Variants in SCGN observed in about 807,000 individuals in gnomAD.
SCGN encodes the protein secretagogin.
A neutral mutation model predicts 39.7 loss-of-function variants in SCGN; 30 were observed. The ratio of observed to expected loss-of-function variants is 0.76; its 90% CI spans 0.57 to 1.03. The LOEUF is 1.03. SCGN is among the 50% of genes least tolerant of loss of function. The probability of loss-of-function intolerance (pLI) is 0.00; values close to 1 mark genes in which losing one functional copy is unlikely to be tolerated. For missense variants in SCGN, 353 were observed against 349.4 expected (o/e 1.01, Z -0.08); for synonymous variants, 106 against 114.1 (o/e 0.93, Z 0.45).
chr6:25,660,321 A>C (rs2151377395), intron 2 of SCGN, among the ~76,000 whole-genome samples: 1 of 152,304 alleles, frequency 6.6e-6, no homozygotes, highest in South Asian at 2.1e-4. Flanking sequence ...GAGAGGTCTC[A>C]GTGGAAAGGA....
intron 3 of SCGN, among the ~76,000 whole-genome samples, chr6:25,663,060 AGTG>A (rs1760365022): frequency 6.6e-6 from 1 of 152,202 alleles, no homozygotes; most frequent in Non-Finnish European, 1.5e-5. Context: ...CCTGCACGTG[AGTG>A]TCATTGAGGT....
At chr6:25,657,000 A>G (rs949718216) in intron 2 of SCGN, among the ~76,000 whole-genome samples, 3 of 152,218 alleles carry the variant, frequency 2.0e-5, no homozygotes, top group Non-Finnish European at 4.4e-5. Context: ...AATCTAAAAG[A>G]TCAAGCTGAA....
At chr6:25,675,153 C>T (rs541143517) in intron 6 of SCGN, among the ~76,000 whole-genome samples, 1 of 152,308 alleles carries the variant, frequency 6.6e-6, no homozygotes, top group Non-Finnish European at 1.5e-5. Flanking sequence ...TCTCTGGAGA[C>T]TTTCCCAGCA....
chr6:25,662,568 C>T (rs1760355097), intron 3 of SCGN, among the ~76,000 whole-genome samples: 1 of 152,106 alleles, frequency 6.6e-6, no homozygotes, highest in Non-Finnish European at 1.5e-5. Context: ...CATATTTGAG[C>T]AGTCAATATT....
chr6:25,697,505 G>A (rs896561030), intron 10 of SCGN, among the ~76,000 whole-genome samples: 2 of 152,220 alleles, frequency 1.3e-5, no homozygotes, highest in African/African-American at 4.8e-5. Flanking sequence ...CTAGGATAGA[G>A]ATTTGTGAAG....
At chr6:25,685,268 C>A (rs1191765302) in intron 7 of SCGN, among the ~76,000 whole-genome samples, 1 of 152,186 alleles carries the variant, frequency 6.6e-6, no homozygotes, top group Non-Finnish European at 1.5e-5. Flanking sequence ...TGTGTCGCAG[C>A]AGCACTAGGA....
At chr6:25,661,318 C>T (rs1760331728) in intron 2 of SCGN, among the ~76,000 whole-genome samples, 1 of 152,176 alleles carries the variant, frequency 6.6e-6, no homozygotes, top group South Asian at 2.1e-4. Context: ...TTTAGTAACT[C>T]ATTAACTGTA....
chr6:25,659,113 T>C (rs924963771), intron 2 of SCGN, among the ~76,000 whole-genome samples: 1 of 152,224 alleles, frequency 6.6e-6, no homozygotes, highest in Non-Finnish European at 1.5e-5. Flanking sequence ...AGGTCTAGCA[T>C]AATGCCCAGG....
chr6:25,666,791 C>T (rs1431531839), intron 4 of SCGN, among the ~76,000 whole-genome samples: 1 of 152,034 alleles, frequency 6.6e-6, no homozygotes, highest in African/African-American at 2.4e-5. Context: ...TAAGAATACA[C>T]AAAAAATATT....
At chr6:25,658,793 CA>C (rs5875057) in intron 2 of SCGN, among the ~76,000 whole-genome samples, 43,813 of 151,632 alleles carry the variant, frequency 0.29, 6,408 homozygotes, top group African/African-American at 0.35. Flanking sequence ...TCATTTGCAG[CA>C]AAAAAGCAAC....
intron 7 of SCGN, among the ~76,000 whole-genome samples, chr6:25,686,017 G>A (rs912757412): frequency 5.9e-5 from 9 of 151,996 alleles, no homozygotes; most frequent in African/African-American, 2.2e-4. Context: ...TTCCTATCTG[G>A]CTATTTCACT....
chr6:25,666,822 A>G (rs1760432039), intron 4 of SCGN, among the ~76,000 whole-genome samples: 1 of 152,196 alleles, frequency 6.6e-6, no homozygotes, highest in Non-Finnish European at 1.5e-5. Flanking sequence ...AAGTGGTAGG[A>G]TTTCAGGTGA....
intron 6 of SCGN, among the ~76,000 whole-genome samples, chr6:25,673,385 A>G (rs898216417): frequency 3.9e-5 from 6 of 152,198 alleles, no homozygotes; most frequent in African/African-American, 1.4e-4. Flanking sequence ...CACATCACAC[A>G]TCAGGCCAGC....
At chr6:25,652,523 C>G (rs545282736) in intron 1 of SCGN, 38 bp downstream of exon 1, 4 of 1,589,550 alleles carry the variant, frequency 2.5e-6, no homozygotes, top group Non-Finnish European at 3.5e-6. Context: ...CAGGTGTAGA[C>G]GTGGCTCCAA....
chr6:25,693,878 C>T (rs9467567), intron 10 of SCGN, among the ~76,000 whole-genome samples: 1,833 of 152,268 alleles, frequency 0.012, 23 homozygotes, highest in African/African-American at 0.032. Flanking sequence ...GCCAATGAGA[C>T]CTTGGGCAAG....
In SCGN at chr6:25,680,049, C is replaced by T. The variant is rs570768179; in HGVS notation, c.472-1902C>T. ...TATCAGTTTCCTTATTTATTACAAA[C>T]GCAGATTTTTTTTACATTATAAGGA... On this transcript the variant is annotated intron_variant, in intron 6 of 10. Coordinates refer to ENST00000377961, the MANE Select transcript of SCGN (RefSeq NM_006998.4). Among the ~76,000 whole-genome samples the T allele has an allele frequency of 4.5e-3, 690 of 152,146 alleles. 2 individuals carry two copies. Among genetic ancestry groups the T allele is most frequent in the African/African-American group, 0.016 (657 of 41,512 alleles).
At chr6:25,696,525 G>A (rs1348012286) in intron 10 of SCGN, among the ~76,000 whole-genome samples, 1 of 152,160 alleles carries the variant, frequency 6.6e-6, no homozygotes, top group Non-Finnish European at 1.5e-5. Flanking sequence ...GGGTTCCCAT[G>A]TCTGCGATTC....
At chr6:25,694,470 G>A (rs1273656625) in intron 10 of SCGN, among the ~76,000 whole-genome samples, 2 of 152,228 alleles carry the variant, frequency 1.3e-5, no homozygotes, top group Non-Finnish European at 2.9e-5. Flanking sequence ...GGAAGGTGAA[G>A]ATCCTCGCCC....
intron 2 of SCGN, among the ~76,000 whole-genome samples, chr6:25,656,726 G>A (rs551527277): frequency 6.6e-6 from 1 of 152,308 alleles, no homozygotes; most frequent in East Asian, 1.9e-4. Flanking sequence ...TTAGGTCAAA[G>A]GGATAGTCAT....
Sources: allele counts gnomAD v4.1 joint callset (sites outside exome capture counted in the v4.1 genomes callset), GRCh38; gene constraint gnomAD v4.1.1; transcripts MANE v1.5; gene names NCBI Gene and HGNC (gene_info 2026-07-23, HGNC 2026-07-21).